Variants in ACSL4 observed in about 807,000 individuals in gnomAD.
The protein encoded by ACSL4 is acyl-CoA synthetase long chain family member 4, also known as long-chain-fatty-acid--CoA ligase 4.
A neutral mutation model predicts 49.1 loss-of-function variants in ACSL4; 9 were observed. The ratio of observed to expected loss-of-function variants is 0.18; its 90% CI spans 0.11 to 0.32. The LOEUF is 0.32. Ranked by LOEUF, ACSL4 falls within the 10% of genes least tolerant of loss-of-function variation. The pLI, the probability that ACSL4 is intolerant of heterozygous loss-of-function variation, is 1.00. For synonymous variants in ACSL4, 191 were observed against 170.3 expected (o/e 1.12, Z -0.95); for missense variants, 333 against 493.7 (o/e 0.67, Z 3.08).
In ACSL4 at chrX:109,643,977, T is replaced by C. The variant is rs1056037005; in HGVS notation, c.*52A>G. 28 of 1,183,982 alleles carry C rather than the reference T, an allele frequency of 2.4e-5. No homozygotes were observed. Among genetic ancestry groups the C allele is most frequent in the African/African-American group, 8.8e-5 (5 of 56,615 alleles). On this transcript the variant is annotated 3_prime_UTR_variant, in exon 16 of 16. Coordinates refer to ENST00000672401, the MANE Select transcript of ACSL4 (RefSeq NM_001318510.2). ...CAACAAAGGCTTAAAATTCTAGAGGTTGAAAACCACCAGGCTACCTCCTGC... is the reference window on the plus strand; with the variant it reads ...CAACAAAGGCTTAAAATTCTAGAGGCTGAAAACCACCAGGCTACCTCCTGC...
chrX:109,661,298 G>A (rs746818938), intron 14 of ACSL4, among the ~76,000 whole-genome samples: 1 of 111,343 alleles, frequency 9.0e-6, no homozygotes, highest in South Asian at 3.7e-4. Context: ...ATAACTTGTT[G>A]CATAGCTAAG....
At position 109,642,400 on chromosome X, in the gene ACSL4, T is replaced by A. The variant is rs1034493609; in HGVS notation, c.*1629A>T. On this transcript the variant is annotated 3_prime_UTR_variant, in exon 16 of 16. Transcript: ENST00000672401. ...GGGAAAACTTGCCTAAAATTTTACC[T>A]TGCAAAACGCTGAACAGAAATCTTT... 62 of 111,772 alleles carry A rather than the reference T, an allele frequency of 5.5e-4. No homozygotes were observed. The highest frequency in any genetic ancestry group is 1.9e-3 in the African/African-American group (58 of 30,719). 9.2% of individuals were successfully genotyped at this position (111,772 alleles called of 1,213,427 possible).
chrX:109,667,184 G>C (rs903230160), intron 11 of ACSL4, among the ~76,000 whole-genome samples: 6 of 112,269 alleles, frequency 5.3e-5, no homozygotes, highest in African/African-American at 1.9e-4. Context: ...GCGAAAATAA[G>C]ATTATCCAAA....
At chrX:109,728,702 T>C (rs1302456440) in intron 1 of ACSL4, among the ~76,000 whole-genome samples, 2 of 112,448 alleles carry the variant, frequency 1.8e-5, no homozygotes, top group African/African-American at 6.5e-5. Context: ...AAATAATGGA[T>C]GTTATACAGA....
At chrX:109,685,833 A>T (rs937839511) in intron 2 of ACSL4, among the ~76,000 whole-genome samples, 12 of 109,711 alleles carry the variant, frequency 1.1e-4, no homozygotes, top group Admixed American at 3.9e-4. Context: ...GAGGAACCCA[A>T]TTCCCCTCAG....
intron 1 of ACSL4, among the ~76,000 whole-genome samples, chrX:109,698,456 G>T (rs952837873): frequency 4.5e-5 from 5 of 111,785 alleles, no homozygotes; most frequent in Non-Finnish European, 9.4e-5. Flanking sequence ...CAGGAATTGG[G>T]ATGATTTAGC....
rs1006338612 is a variant in ACSL4 at position 109,702,462 on chromosome X, T to A, written c.-65-6266A>T. On this transcript the variant is annotated intron_variant, in intron 1 of 15. Coordinates refer to ENST00000672401, the MANE Select transcript of ACSL4 (RefSeq NM_001318510.2). ...TGCTAGTGATTCTAGAGGATTTATATCTAGCAGAACTGCTGATTCAAAAGG... is the reference window on the plus strand; with the variant it reads ...TGCTAGTGATTCTAGAGGATTTATAACTAGCAGAACTGCTGATTCAAAAGG... 7.1e-5 allele frequency among the ~76,000 whole-genome samples: 8 copies of A among 112,281 alleles called. No individual in the cohort carries two copies. The South Asian group carries it at 1.5e-3, about 21-fold the overall frequency.
intron 1 of ACSL4, among the ~76,000 whole-genome samples, chrX:109,721,199 C>T (rs1165697286): frequency 8.9e-6 from 1 of 111,936 alleles, no homozygotes; most frequent in Non-Finnish European, 1.9e-5. Context: ...GTTCCTGTCT[C>T]CTGACTGAGG....
At chrX:109,700,277 C>A (rs1925800165) in intron 1 of ACSL4, among the ~76,000 whole-genome samples, 1 of 106,579 alleles carries the variant, frequency 9.4e-6, no homozygotes, top group African/African-American at 3.4e-5. Context: ...CGCCTGCAAT[C>A]CAAGCACTCT....
intron 15 of ACSL4, among the ~76,000 whole-genome samples, chrX:109,644,555 G>C (rs1934558541): frequency 8.9e-6 from 1 of 111,863 alleles, no homozygotes; most frequent in East Asian, 2.8e-4. Context: ...ATATTTGCCT[G>C]AGATGGTCTT....
At chrX:109,652,375 T>C (rs1315319006) in intron 15 of ACSL4, among the ~76,000 whole-genome samples, 1 of 111,947 alleles carries the variant, frequency 8.9e-6, no homozygotes, top group Non-Finnish European at 1.9e-5. Flanking sequence ...TGCCTCACTC[T>C]AAGCACAGGA....
chrX:109,641,623 T>C lies in ACSL4; in HGVS notation c.*2406A>G, dbSNP rs1438154311. ...AATATAGGCAAGACTTACTAATCAG[T>C]TATTCATGATCAAAGAAACATGATT... On this transcript the variant is annotated 3_prime_UTR_variant, in exon 16 of 16. Coordinates refer to ENST00000672401, the MANE Select transcript of ACSL4 (RefSeq NM_001318510.2). 1.8e-5 allele frequency: 2 copies of C among 112,668 alleles called. No homozygotes were observed. Among genetic ancestry groups the C allele is most frequent in the Admixed American group, 9.4e-5 (1 of 10,660 alleles). 9.3% of individuals were successfully genotyped at this position (112,668 alleles called of 1,213,427 possible).
intron 1 of ACSL4, among the ~76,000 whole-genome samples, chrX:109,719,454 T>C (rs1445866003): frequency 8.9e-6 from 1 of 111,899 alleles, no homozygotes. Flanking sequence ...TATTTTGTAC[T>C]CCTCGCGCTG....
At chrX:109,724,328 G>A (rs1281224244) in intron 1 of ACSL4, among the ~76,000 whole-genome samples, 1 of 111,025 alleles carries the variant, frequency 9.0e-6, no homozygotes, top group Non-Finnish European at 1.9e-5. Context: ...AGGCTGGAAT[G>A]CAGTGGAGTG....
chrX:109,680,206 C>G (rs1924054670), intron 6 of ACSL4, among the ~76,000 whole-genome samples: 1 of 111,275 alleles, frequency 9.0e-6, no homozygotes, highest in African/African-American at 3.3e-5. Context: ...TCTATGGCAC[C>G]AGGAAGTTTT....
intron 12 of ACSL4, 22 bp downstream of exon 12, chrX:109,665,398 G>C (rs759883850): frequency 5.1e-6 from 6 of 1,178,435 alleles, no homozygotes; most frequent in Non-Finnish European, 6.9e-6. Flanking sequence ...TGAATCACTA[G>C]AGCTTTTCAT....
chrX:109,684,871 T>C (rs1924459488), intron 2 of ACSL4, among the ~76,000 whole-genome samples: 1 of 110,490 alleles, frequency 9.1e-6, no homozygotes, highest in South Asian at 3.8e-4. Flanking sequence ...GAAGTACCAA[T>C]AGCAAGGACA....
At chrX:109,703,979 T>G (rs1305484978) in intron 1 of ACSL4, among the ~76,000 whole-genome samples, 1 of 111,450 alleles carries the variant, frequency 9.0e-6, no homozygotes, top group Non-Finnish European at 1.9e-5. Context: ...TATTGTGGGG[T>G]TTTTTTGTTG....
intron 15 of ACSL4, among the ~76,000 whole-genome samples, chrX:109,657,303 G>T (rs1439662258): frequency 9.0e-6 from 1 of 110,988 alleles, no homozygotes; most frequent in Admixed American, 9.6e-5. Flanking sequence ...CCATGTTGGT[G>T]TGCTGCACCC....
Sources: gnomAD v4.1 joint callset for allele counts (sites outside exome capture counted in the v4.1 genomes callset) on GRCh38, gnomAD v4.1.1 for gene constraint, MANE v1.5 for transcripts, NCBI Gene and HGNC (gene_info 2026-07-23, HGNC 2026-07-21) for gene names.